Variants in PCDH15 observed in about 807,000 individuals in gnomAD.
The protein encoded by PCDH15 is protocadherin related 15.
A neutral mutation model predicts 178.5 loss-of-function variants in PCDH15; 129 were observed. The observed-to-expected ratio is 0.72, with a 90% CI of 0.63 to 0.84. The LOEUF (loss-of-function observed/expected upper bound fraction) is 0.84. Ranked by LOEUF, PCDH15 falls within the 40% of genes least tolerant of loss-of-function variation. The pLI, the probability that PCDH15 is intolerant of heterozygous loss-of-function variation, is 0.00. For synonymous variants in PCDH15, 800 were observed against 732.0 expected (o/e 1.09, Z -1.50); for missense variants, 2,230 against 2,099.9 (o/e 1.06, Z -1.21).
At chr10:54,128,571 G>A (rs575063791) in intron 15 of PCDH15, among the ~76,000 whole-genome samples, 1 of 152,208 alleles carries the variant, frequency 6.6e-6, no homozygotes, top group Middle Eastern at 3.4e-3. Flanking sequence ...ATCCTTGCCA[G>A]ACTTTTTTTG....
intron 1 of PCDH15, among the ~76,000 whole-genome samples, chr10:55,189,515 A>G (rs1256966942): frequency 6.6e-6 from 1 of 151,844 alleles, no homozygotes; most frequent in African/African-American, 2.4e-5. Flanking sequence ...AAAATGTTAG[A>G]TTCTACAGAA....
At chr10:55,405,283 G>GATAGATATATATATATATATATATAT (rs1554863154) in intron 2 of PCDH15, among the ~76,000 whole-genome samples, 1 of 108,086 alleles carries the variant, frequency 9.3e-6, no homozygotes, top group Non-Finnish European at 2.0e-5. Context: ...TGAGGTAACA[G>GATAGATATATATATATATATATATAT]ATATATATAT....
At chr10:54,506,132 A>C (rs1205228083) in intron 3 of PCDH15, among the ~76,000 whole-genome samples, 1 of 152,086 alleles carries the variant, frequency 6.6e-6, no homozygotes, top group Non-Finnish European at 1.5e-5. Context: ...CAGCTCTTTT[A>C]TATATCTGAT....
At chr10:53,907,143 T>A (rs1358222752) in intron 25 of PCDH15, 1 of 152,172 alleles carries the variant, frequency 6.6e-6, no homozygotes, top group Non-Finnish European at 1.5e-5. Flanking sequence ...GCTCACGTGC[T>A]TCCCCACTAA....
At chr10:54,352,096 G>C (rs892972553) in intron 5 of PCDH15, among the ~76,000 whole-genome samples, 1 of 151,998 alleles carries the variant, frequency 6.6e-6, no homozygotes, top group African/African-American at 2.4e-5. Context: ...ATGATTTTCT[G>C]TTTCATATTT....
At chr10:54,782,520 T>G (rs1950472779) in intron 1 of PCDH15, among the ~76,000 whole-genome samples, 1 of 152,180 alleles carries the variant, frequency 6.6e-6, no homozygotes, top group Non-Finnish European at 1.5e-5. Context: ...TTTTTCTAAT[T>G]GATTACAGAA....
intron 2 of PCDH15, among the ~76,000 whole-genome samples, chr10:54,984,822 G>A (rs1839324154): frequency 6.6e-6 from 1 of 152,190 alleles, no homozygotes; most frequent in Non-Finnish European, 1.5e-5. Context: ...GGGCCACAGA[G>A]TGAGATCTTG....
chr10:55,086,462 GTTTTAC>G, intron 2 of PCDH15, among the ~76,000 whole-genome samples: 1 of 151,996 alleles, frequency 6.6e-6, no homozygotes, highest in East Asian at 1.9e-4. Context: ...TCCCTCTTCT[GTTTTAC>G]TTTTATGTTT....
intron 27 of PCDH15, among the ~76,000 whole-genome samples, chr10:53,866,273 G>T (rs931792481): frequency 2.4e-4 from 36 of 151,908 alleles, no homozygotes; most frequent in African/African-American, 8.5e-4. Flanking sequence ...GTATAACTCT[G>T]TGAAGCATTT....
intron 2 of PCDH15, among the ~76,000 whole-genome samples, chr10:55,112,881 T>C (rs1201096343): frequency 6.6e-6 from 1 of 152,102 alleles, no homozygotes; most frequent in Non-Finnish European, 1.5e-5. Context: ...ACCCAAAATA[T>C]ACCAAACTCA....
At chr10:54,371,264 G>A (rs986846421) in intron 4 of PCDH15, among the ~76,000 whole-genome samples, 2 of 151,716 alleles carry the variant, frequency 1.3e-5, no homozygotes, top group African/African-American at 4.8e-5. Context: ...ATGTAAAAAT[G>A]TAATTGTGAA....
At chr10:53,969,162 A>C (rs1185736264) in intron 21 of PCDH15, among the ~76,000 whole-genome samples, 1 of 152,176 alleles carries the variant, frequency 6.6e-6, no homozygotes, top group Non-Finnish European at 1.5e-5. Context: ...GAAGACCTTA[A>C]ATGACCTGAT....
intron 2 of PCDH15, among the ~76,000 whole-genome samples, chr10:54,610,863 C>T (rs1307587121): frequency 1.3e-5 from 2 of 151,762 alleles, no homozygotes; most frequent in Non-Finnish European, 3.0e-5. Flanking sequence ...TACCCTGGAA[C>T]AATGCATCTA....
At chr10:55,623,565 G>A (rs887519622) in intron 2 of PCDH15, among the ~76,000 whole-genome samples, 1 of 151,828 alleles carries the variant, frequency 6.6e-6, no homozygotes, top group Non-Finnish European at 1.5e-5. Flanking sequence ...ACAGGGATGA[G>A]AATATATATA....
chr10:54,346,384 T>C lies in PCDH15; in HGVS notation c.575A>G (p.Gln192Arg), dbSNP rs201496062. ...ACATACCGGATCATCTGGATTATAC[T>C]GAATAACATACTCTATCTGTCCATT... Reference protein sequence around the residue: ...GPNGQIEYVIQYNPDDPTSND... With the variant: ...GPNGQIEYVIRYNPDDPTSND... Residue 192 changes from glutamine (Q) to arginine (R), a missense_variant, in exon 6 of 38, where the codon CAG becomes CGG. Physicochemically the swap from Gln to Arg is conservative, Grantham distance 43 (BLOSUM62 1). Coordinates refer to ENST00000644397, the MANE Select transcript of PCDH15 (RefSeq NM_001384140.1). The C allele has an allele frequency of 4.5e-5, 72 of 1,613,264 alleles. No individual in the cohort carries two copies. The highest frequency in any genetic ancestry group is 3.3e-4 in the Middle Eastern group (2 of 6,082).
intron 2 of PCDH15, among the ~76,000 whole-genome samples, chr10:55,434,142 GCC>G (rs1430756866): frequency 1.5e-5 from 2 of 134,120 alleles, no homozygotes; most frequent in African/African-American, 5.9e-5. Flanking sequence ...GTGCAGTGGC[GCC>G]CTCTAGGCTC....
chr10:54,186,585 G>A (rs544548122), intron 11 of PCDH15, among the ~76,000 whole-genome samples: 1 of 151,946 alleles, frequency 6.6e-6, no homozygotes, highest in Admixed American at 6.6e-5. Context: ...TCTATGTTCA[G>A]GATTTTGACT....
At chr10:55,327,013 G>A (rs771564546) in intron 2 of PCDH15, among the ~76,000 whole-genome samples, 20 of 152,142 alleles carry the variant, frequency 1.3e-4, no homozygotes, top group Non-Finnish European at 2.5e-4. Context: ...GATCATAAAT[G>A]TTGCTGTGGA....
At chr10:54,981,691 T>C (rs1219523) in intron 2 of PCDH15, among the ~76,000 whole-genome samples, 51,351 of 152,052 alleles carry the variant, frequency 0.34, 10,490 homozygotes, top group African/African-American at 0.57. Flanking sequence ...AGAATCACAA[T>C]AAGTAATATT....
Sources: gnomAD v4.1 joint callset for allele counts (sites outside exome capture counted in the v4.1 genomes callset) on GRCh38, gnomAD v4.1.1 for gene constraint, MANE v1.5 for transcripts, NCBI Gene and HGNC (gene_info 2026-07-23, HGNC 2026-07-21) for gene names.